The following SFT2D2 variants were observed in gnomAD, a reference collection of about 807,000 sequenced individuals.
SFT2D2 encodes SFT2 domain containing 2, also known as vesicle transport protein SFT2B.
SFT2D2 carries 21 observed loss-of-function variants against 27.4 expected under a neutral mutation model. That is an observed-to-expected ratio of 0.77 (90% CI 0.54 to 1.10). The LOEUF (loss-of-function observed/expected upper bound fraction) is 1.10, where lower values mean the gene tolerates loss of function less well. Ranked by LOEUF, SFT2D2 falls within the 50% of genes least tolerant of loss-of-function variation. The probability of loss-of-function intolerance (pLI) is 0.00; values close to 1 mark genes in which losing one functional copy is unlikely to be tolerated. For missense variants in SFT2D2, 187 were observed against 194.2 expected (o/e 0.96, Z 0.22); for synonymous variants, 72 against 71.7 (o/e 1.00, Z -0.02).
chr1:168,239,067 T>G, intron 6 of SFT2D2, 64 bp from the exon 7 acceptor site: 2 of 1,230,050 alleles, frequency 1.6e-6, no homozygotes. Flanking sequence ...CAGAAGCCCA[T>G]TCTGCTGGAT....
At chr1:168,235,465 A>G (rs1322907330) in intron 4 of SFT2D2, among the ~76,000 whole-genome samples, 4 of 152,160 alleles carry the variant, frequency 2.6e-5, no homozygotes, top group African/African-American at 4.8e-5. Flanking sequence ...GGTGGTAGTA[A>G]GGGAGCTCAG....
At chr1:168,240,670 T>C (rs1445079667) in intron 7 of SFT2D2, among the ~76,000 whole-genome samples, 2 of 152,054 alleles carry the variant, frequency 1.3e-5, no homozygotes, top group Admixed American at 6.6e-5. Context: ...TCCCAGCACA[T>C]TGGGAGGCTG....
chr1:168,229,098 T>G (rs1004047632), intron 1 of SFT2D2, among the ~76,000 whole-genome samples: 1 of 152,212 alleles, frequency 6.6e-6, no homozygotes, highest in Non-Finnish European at 1.5e-5. Context: ...GAGTAACATT[T>G]GGATGGATTC....
At chr1:168,226,346 C>T (rs1700458467) in intron 1 of SFT2D2, among the ~76,000 whole-genome samples, 1 of 152,196 alleles carries the variant, frequency 6.6e-6, no homozygotes, top group Non-Finnish European at 1.5e-5. Flanking sequence ...GCCCCGCGCC[C>T]CTTCAGCCCA....
rs550790160 is a variant in SFT2D2 at position 168,239,032 on chromosome 1, G to T, written c.414-99G>T. The T allele has an allele frequency of 4.4e-6, 4 of 908,106 alleles. No homozygotes were observed. In the African/African-American group the frequency reaches 4.9e-5, roughly 11 times the overall value. 56.3% of individuals were successfully genotyped at this position (908,106 alleles called of 1,614,324 possible). On this transcript the variant is annotated intron_variant, in intron 6 of 7. Transcript: ENST00000271375. Reference sequence around the variant, plus strand: ...CTGAGTATGGGAGAGGGTCTGGATAGATCACTGCAGGTATTCTTACAGCTC... The same window carrying T: ...CTGAGTATGGGAGAGGGTCTGGATATATCACTGCAGGTATTCTTACAGCTC...
At position 168,247,092 on chromosome 1, in the gene SFT2D2, C is replaced by G. The variant is rs1647837818; in HGVS notation, c.*4552C>G. On this transcript the variant is annotated 3_prime_UTR_variant, in exon 8 of 8. Coordinates refer to ENST00000271375, the MANE Select transcript of SFT2D2 (RefSeq NM_199344.3). ...ATATTTCTTTTTTTTCAGATAGTCT[C>G]TTTTGTAGTACACTAGTCTTTTTCA... The G allele has an allele frequency of 2.6e-6, 1 of 381,906 alleles. No homozygotes were observed. Among genetic ancestry groups the G allele is most frequent in the Non-Finnish European group, 5.2e-6 (1 of 192,106 alleles). The allele number at this position is 381,906 out of a possible 1,614,324, so 23.7% of individuals were successfully genotyped here.
chr1:168,234,788 T>C (rs927703838), intron 3 of SFT2D2, among the ~76,000 whole-genome samples: 8 of 152,196 alleles, frequency 5.3e-5, no homozygotes, highest in African/African-American at 1.9e-4. Flanking sequence ...GGAGAAGGCT[T>C]ATCCAACCTA....
intron 1 of SFT2D2, among the ~76,000 whole-genome samples, chr1:168,227,371 C>A (rs1175194051): frequency 6.6e-6 from 1 of 152,076 alleles, no homozygotes; most frequent in East Asian, 1.9e-4. Context: ...GCAAGTTCTT[C>A]TTTCTCAGCA....
chr1:168,246,756 C>CT lies in SFT2D2; in HGVS notation c.*4216_*4217insT. 1 of 774,586 alleles carries CT rather than the reference C, an allele frequency of 1.3e-6. No individual in the cohort carries two copies. Among genetic ancestry groups the CT allele is most frequent in the Non-Finnish European group, 2.2e-6 (1 of 456,462 alleles). 48.0% of individuals were successfully genotyped at this position (774,586 alleles called of 1,614,324 possible). A position where few individuals can be genotyped will look rare whatever the true frequency, so the allele number is the denominator to read the frequency against. ...TTGTTTTTCCTTCTCCAGTTTAGAA[C>CT]GGAGCATTGTGTTCTCATCTGTCAG... is the stretch of plus-strand genomic sequence containing the variant. On this transcript the variant is annotated 3_prime_UTR_variant, in exon 8 of 8. Coordinates refer to ENST00000271375, the MANE Select transcript of SFT2D2 (RefSeq NM_199344.3).
chr1:168,226,211 G>A (rs1700457147), intron 1 of SFT2D2, 69 bp downstream of exon 1: 1 of 1,406,452 alleles, frequency 7.1e-7, no homozygotes, highest in Non-Finnish European at 9.5e-7. Context: ...CCCGGGCCTG[G>A]GAAGCCTGCG....
At chr1:168,229,573 C>T (rs192992144) in intron 1 of SFT2D2, 1 of 152,628 alleles carries the variant, frequency 6.6e-6, no homozygotes, top group East Asian at 1.9e-4. Context: ...CAAGCCAGGC[C>T]AATCCTACTA....
intron 7 of SFT2D2, 123 bp from the exon 8 acceptor site, chr1:168,242,378 T>C: frequency 1.0e-6 from 1 of 986,676 alleles, no homozygotes; most frequent in Non-Finnish European, 1.6e-6. Context: ...AGTTTGATGC[T>C]GTGAAGGTCT....
Position 168,250,394 on chromosome 1 carries a change from GTC to G in SFT2D2, c.*7858_*7859del, listed in dbSNP as rs1647923119. ...GGTTTCAGACCTGTAGTTAATGATG[GTC>G]TCTGTCTCCCTGCTGCCCTGCATTC... On this transcript the variant is annotated 3_prime_UTR_variant, in exon 8 of 8. Transcript: ENST00000271375. 6.6e-6 allele frequency: 1 copy of G among 152,212 alleles called. No individual in the cohort carries two copies. Among genetic ancestry groups the G allele is most frequent in the African/African-American group, 2.4e-5 (1 of 41,430 alleles). 9.4% of individuals were successfully genotyped at this position (152,212 alleles called of 1,614,324 possible). A position where few individuals can be genotyped will look rare whatever the true frequency, so the allele number is the denominator to read the frequency against.
rs142616149 is a variant in SFT2D2 at position 168,228,860 on chromosome 1, T to C, written c.64-2654T>C. ...TAGCTACTCTAATTTCCAAAAACAATATGCTAGCACAGCTTCCAGCAGTCA... is the reference window on the plus strand; with the variant it reads ...TAGCTACTCTAATTTCCAAAAACAACATGCTAGCACAGCTTCCAGCAGTCA... On this transcript the variant is annotated intron_variant, in intron 1 of 7. Coordinates refer to ENST00000271375, the MANE Select transcript of SFT2D2 (RefSeq NM_199344.3). 1.0e-3 allele frequency among the ~76,000 whole-genome samples: 157 copies of C among 152,320 alleles called. 1 individual carries two copies. In the Middle Eastern group the frequency reaches 0.014, roughly 13 times the overall value.
rs1700454343 is a variant in SFT2D2, at chr1:168,226,043, C to T, written c.-37C>T. On this transcript the variant is annotated 5_prime_UTR_variant, in exon 1 of 8. Coordinates refer to ENST00000271375, the MANE Select transcript of SFT2D2 (RefSeq NM_199344.3). ...TCAACTTAGCGAGCGCAACAGGCTGCCGCTGAGGAGCTGGAGCTGGTGGGG... is the reference window on the plus strand; with the variant it reads ...TCAACTTAGCGAGCGCAACAGGCTGTCGCTGAGGAGCTGGAGCTGGTGGGG... The T allele has an allele frequency of 2.7e-6, 4 of 1,491,706 alleles. 1 individual carries two copies. Among genetic ancestry groups the T allele is most frequent in the Middle Eastern group, 3.9e-4 (2 of 5,164 alleles). 92.4% of individuals were successfully genotyped at this position (1,491,706 alleles called of 1,614,324 possible).
chr1:168,231,658 C>G (rs1402411449), intron 2 of SFT2D2, 58 bp downstream of exon 2: 14 of 1,548,868 alleles, frequency 9.0e-6, no homozygotes, highest in Admixed American at 1.7e-5. Flanking sequence ...TATATATTCC[C>G]CCTTTTGTCC....
At chr1:168,242,140 T>C (rs1243797195) in intron 7 of SFT2D2, among the ~76,000 whole-genome samples, 6 of 152,254 alleles carry the variant, frequency 3.9e-5, no homozygotes, top group Non-Finnish European at 8.8e-5. Flanking sequence ...TTTGATTTAA[T>C]GCTGTCAGTG....
chr1:168,227,909 T>G (rs955596921), intron 1 of SFT2D2, among the ~76,000 whole-genome samples: 1 of 152,214 alleles, frequency 6.6e-6, no homozygotes. Context: ...GGACGACTAG[T>G]AAAGTTTGCA....
chr1:168,242,408 T>C (rs1647674299), intron 7 of SFT2D2, 93 bp from the exon 8 acceptor site: 4 of 1,380,234 alleles, frequency 2.9e-6, no homozygotes, highest in Non-Finnish European at 4.1e-6. Context: ...GTCTAGGTGC[T>C]TTCTACTCTG....
Sources: allele counts gnomAD v4.1 joint callset (sites outside exome capture counted in the v4.1 genomes callset), GRCh38; gene constraint gnomAD v4.1.1; transcripts MANE v1.5; gene names NCBI Gene and HGNC (gene_info 2026-07-23, HGNC 2026-07-21).